SCAPER: variants seen among roughly 807,000 people sequenced by gnomAD.
The protein encoded by SCAPER is S phase cyclin A-associated protein in the endoplasmic reticulum.
In SCAPER, 98 loss-of-function variants were observed where a neutral mutation model predicts 182.2. That is an observed-to-expected ratio of 0.54 (90% CI 0.46 to 0.64). SCAPER has a LOEUF of 0.64. Ranked by LOEUF, SCAPER falls within the 30% of genes least tolerant of loss-of-function variation. The pLI, the probability that SCAPER is intolerant of heterozygous loss-of-function variation, is 0.00. For synonymous variants in SCAPER, 605 were observed against 564.6 expected (o/e 1.07, Z -1.01); for missense variants, 1,432 against 1,690.0 (o/e 0.85, Z 2.68).
chr15:76,432,605 G>A (rs961248741), intron 26 of SCAPER, among the ~76,000 whole-genome samples: 2 of 152,220 alleles, frequency 1.3e-5, no homozygotes, highest in Non-Finnish European at 2.9e-5. Flanking sequence ...AGGTGGAACA[G>A]GTAATTGATT....
chr15:76,567,267 T>A (rs1452087602), intron 23 of SCAPER: 1 of 446,546 alleles, frequency 2.2e-6, no homozygotes, highest in Non-Finnish European at 4.5e-6. Flanking sequence ...TATATGAACA[T>A]ACCATAATTT....
At chr15:76,685,342 T>C (rs1368016332) in intron 20 of SCAPER, among the ~76,000 whole-genome samples, 1 of 151,936 alleles carries the variant, frequency 6.6e-6, no homozygotes, top group Non-Finnish European at 1.5e-5. Flanking sequence ...AAAGTAAATT[T>C]GAGTTATAAA....
intron 25 of SCAPER, among the ~76,000 whole-genome samples, chr15:76,442,519 T>A (rs2047686814): frequency 6.6e-6 from 1 of 152,258 alleles, no homozygotes; most frequent in Admixed American, 6.5e-5. Flanking sequence ...GCTACCAGCA[T>A]GACTTGTGAG....
At chr15:76,438,236 C>T (rs1290725362) in intron 25 of SCAPER, among the ~76,000 whole-genome samples, 4 of 143,210 alleles carry the variant, frequency 2.8e-5, no homozygotes, top group Non-Finnish European at 4.5e-5. Context: ...GAGCCGAGAT[C>T]GTGCCATTGC....
intron 5 of SCAPER, among the ~76,000 whole-genome samples, chr15:76,833,659 G>A (rs960819190): frequency 2.0e-4 from 31 of 152,208 alleles, no homozygotes; most frequent in African/African-American, 7.5e-4. Flanking sequence ...AAAGTAAAGG[G>A]ATGCAGAAAG....
At chr15:76,823,753 T>C (rs2067762459) in intron 5 of SCAPER, among the ~76,000 whole-genome samples, 1 of 152,088 alleles carries the variant, frequency 6.6e-6, no homozygotes, top group South Asian at 2.1e-4. Context: ...AAAGGACAAA[T>C]GTAAAAATTT....
intron 14 of SCAPER, among the ~76,000 whole-genome samples, chr15:76,763,490 G>A (rs989190023): frequency 6.6e-6 from 1 of 151,800 alleles, no homozygotes; most frequent in African/African-American, 2.4e-5. Flanking sequence ...GGGGTTCTAT[G>A]AGCTTGAGTC....
chr15:76,707,638 T>C (rs546062798), intron 17 of SCAPER, among the ~76,000 whole-genome samples: 3 of 152,078 alleles, frequency 2.0e-5, no homozygotes, highest in South Asian at 4.2e-4. Context: ...AAACAAGAAA[T>C]ACACAGTTCA....
intron 21 of SCAPER, among the ~76,000 whole-genome samples, chr15:76,624,131 T>A (rs75402807): frequency 1.3e-4 from 20 of 152,190 alleles, no homozygotes; most frequent in African/African-American, 4.8e-4. Context: ...AATATGATTC[T>A]ATACCTAGAA....
intron 27 of SCAPER, among the ~76,000 whole-genome samples, chr15:76,386,726 G>A (rs1447627049): frequency 2.6e-5 from 4 of 152,178 alleles, no homozygotes; most frequent in Admixed American, 6.5e-5. Context: ...AGCCAGGAGC[G>A]TGCATGACAA....
chr15:76,849,703 T>C (rs1413580662), intron 4 of SCAPER, among the ~76,000 whole-genome samples: 1 of 152,226 alleles, frequency 6.6e-6, no homozygotes, highest in East Asian at 1.9e-4. Context: ...AAGCACCACC[T>C]ACTGGATCAC....
chr15:76,742,392 A>G (rs918291050), intron 15 of SCAPER, among the ~76,000 whole-genome samples: 3 of 150,998 alleles, frequency 2.0e-5, no homozygotes, highest in African/African-American at 7.3e-5. Flanking sequence ...GATAAAAAAA[A>G]ACAATTCCAA....
intron 26 of SCAPER, among the ~76,000 whole-genome samples, chr15:76,405,815 T>C (rs1248165966): frequency 3.9e-5 from 6 of 152,122 alleles, no homozygotes; most frequent in Non-Finnish European, 7.4e-5. Context: ...CACAAAGGAA[T>C]TGAGGTTTTG....
chr15:76,497,802 C>A (rs1158270446), intron 24 of SCAPER, among the ~76,000 whole-genome samples: 1 of 151,564 alleles, frequency 6.6e-6, no homozygotes, highest in African/African-American at 2.4e-5. Context: ...ACCAGCCTGA[C>A]CAACATGGTG....
chr15:76,622,176 C>T (rs982133943), intron 21 of SCAPER, among the ~76,000 whole-genome samples: 1 of 152,092 alleles, frequency 6.6e-6, no homozygotes, highest in African/African-American at 2.4e-5. Flanking sequence ...AACTAGGCTC[C>T]GGCTTGCCTA....
intron 17 of SCAPER, among the ~76,000 whole-genome samples, chr15:76,710,882 G>A (rs1271834368): frequency 6.6e-6 from 1 of 152,088 alleles, no homozygotes; most frequent in Non-Finnish European, 1.5e-5. Flanking sequence ...CACAAGAACA[G>A]ACATATAGAT....
rs77447742 is a variant in SCAPER, at chr15:76,440,205, A to G, written c.3079-5895T>C. On this transcript the variant is annotated intron_variant, in intron 25 of 31. Transcript: ENST00000563290. ...ACAGAAATCATCAGGGCTGGAATAG[A>G]TACTGGTGCCGATTCTCTAAACTTA... 9.0e-3 allele frequency among the ~76,000 whole-genome samples: 1,378 copies of G among 152,322 alleles called. 22 individuals are homozygous for G. The highest frequency in any genetic ancestry group is 0.032 in the African/African-American group (1,339 of 41,562).
At chr15:76,357,184 A>ACACACACACC (rs1485814475) in intron 29 of SCAPER, among the ~76,000 whole-genome samples, 7 of 151,388 alleles carry the variant, frequency 4.6e-5, no homozygotes, top group Non-Finnish European at 8.8e-5. Flanking sequence ...ACACACACAC[A>ACACACACACC]CACACCCCTA....
At chr15:76,871,711 C>T (rs564105509) in intron 2 of SCAPER, among the ~76,000 whole-genome samples, 1 of 151,708 alleles carries the variant, frequency 6.6e-6, no homozygotes, top group Non-Finnish European at 1.5e-5. Context: ...CTGCTTCAGC[C>T]TCCCAATTAG....
Sources: allele counts gnomAD v4.1 joint callset (sites outside exome capture counted in the v4.1 genomes callset), GRCh38; gene constraint gnomAD v4.1.1; transcripts MANE v1.5; gene names NCBI Gene and HGNC (gene_info 2026-07-23, HGNC 2026-07-21).